The following SBF2 variants were observed in gnomAD, a reference collection of about 807,000 sequenced individuals.
The protein encoded by SBF2 is SET binding factor 2.
Under a neutral mutation model 225.2 loss-of-function variants are expected in SBF2, and 112 were observed. The ratio of observed to expected loss-of-function variants is 0.50; its 90% CI spans 0.43 to 0.58. The LOEUF (loss-of-function observed/expected upper bound fraction) is 0.58, where lower values mean the gene tolerates loss of function less well. SBF2 is among the 20% of genes least tolerant of loss of function. SBF2 has a pLI of 0.00. For missense variants in SBF2, 1,996 were observed against 2,206.2 expected (o/e 0.90, Z 1.91); for synonymous variants, 763 against 773.3 (o/e 0.99, Z 0.22).
chr11:10,294,279 G>T (rs961612796), upstream of SBF2: 1 of 373,172 alleles, frequency 2.7e-6, no homozygotes, highest in Non-Finnish European at 4.7e-6. Flanking sequence ...TGGCTCGGCT[G>T]CCCCAAGCCC....
intron 1 of SBF2, among the ~76,000 whole-genome samples, chr11:10,231,295 C>A (rs916216835): frequency 6.6e-6 from 1 of 151,994 alleles, no homozygotes; most frequent in Admixed American, 6.6e-5. Flanking sequence ...TCTTCTGAAG[C>A]CTTCTCTCAA....
At chr11:10,122,044 T>C (rs1953480035) in intron 2 of SBF2, among the ~76,000 whole-genome samples, 1 of 152,142 alleles carries the variant, frequency 6.6e-6, no homozygotes, top group Admixed American at 6.6e-5. Context: ...GCAATTCAGA[T>C]ATGCCAAAGA....
chr11:9,913,972 G>A (rs1590421837), intron 16 of SBF2, among the ~76,000 whole-genome samples: 4 of 152,246 alleles, frequency 2.6e-5, no homozygotes, highest in Middle Eastern at 6.8e-3. Context: ...AAAGTGCTGC[G>A]ATTACAGGCA....
chr11:10,036,432 T>C (rs1949442619), intron 3 of SBF2, among the ~76,000 whole-genome samples: 1 of 152,156 alleles, frequency 6.6e-6, no homozygotes, highest in Admixed American at 6.5e-5. Flanking sequence ...AAAAGTATAC[T>C]TTATTCAGAA....
intron 9 of SBF2, among the ~76,000 whole-genome samples, chr11:9,997,055 TCTC>T (rs1947734776): frequency 6.6e-6 from 1 of 152,182 alleles, no homozygotes; most frequent in Non-Finnish European, 1.5e-5. Context: ...AAGTCAGTCT[TCTC>T]TAACTGTTCC....
Position 9,822,379 on chromosome 11 carries a change from G to A in SBF2, c.3794-5355C>T, listed in dbSNP as rs1854810195. ...GGGTTCAAGCCATTCTCCTGCCTCA[G>A]CCTCCCGCATAGCTGGGACTACAGG... is the stretch of plus-strand genomic sequence containing the variant. On this transcript the variant is annotated intron_variant, in intron 28 of 39. Transcript: ENST00000256190. 2.0e-5 allele frequency among the ~76,000 whole-genome samples: 3 copies of A among 150,888 alleles called. No homozygotes were observed. The Admixed American group carries it at 2.0e-4, about 10-fold the overall frequency.
At chr11:9,782,752 TC>T (rs933801072) in intron 38 of SBF2, among the ~76,000 whole-genome samples, 3 of 151,604 alleles carry the variant, frequency 2.0e-5, no homozygotes, top group African/African-American at 7.3e-5. Flanking sequence ...GCGCCTGTAA[TC>T]CCAGCTACTC....
intron 2 of SBF2, among the ~76,000 whole-genome samples, chr11:10,157,073 C>A (rs751087626): frequency 6.6e-6 from 1 of 152,044 alleles, no homozygotes; most frequent in African/African-American, 2.4e-5. Flanking sequence ...ATCAGACACA[C>A]GGATCAATGG....
intron 1 of SBF2, among the ~76,000 whole-genome samples, chr11:10,222,818 C>T (rs1461085099): frequency 5.3e-5 from 8 of 152,206 alleles, no homozygotes; most frequent in Admixed American, 3.9e-4. Flanking sequence ...TGACCCTGAG[C>T]AGCAGGATAT....
At chr11:9,803,980 G>T (rs1368876082) in intron 32 of SBF2, among the ~76,000 whole-genome samples, 1 of 152,154 alleles carries the variant, frequency 6.6e-6, no homozygotes, top group Non-Finnish European at 1.5e-5. Flanking sequence ...GGGCACAGAG[G>T]CCCAAGTATT....
chr11:10,010,778 G>A (rs1948419260), intron 6 of SBF2, among the ~76,000 whole-genome samples: 1 of 152,172 alleles, frequency 6.6e-6, no homozygotes, highest in African/African-American at 2.4e-5. Context: ...TCTGAAAAAA[G>A]TCAATGGTAG....
chr11:10,078,995 C>T (rs1951246911), intron 2 of SBF2, among the ~76,000 whole-genome samples: 1 of 151,872 alleles, frequency 6.6e-6, no homozygotes, highest in Non-Finnish European at 1.5e-5. Context: ...CAAATGCACC[C>T]ATAAGCAAAG....
chr11:9,816,536 T>A (rs1232224532), intron 29 of SBF2, among the ~76,000 whole-genome samples: 1 of 152,224 alleles, frequency 6.6e-6, no homozygotes, highest in Non-Finnish European at 1.5e-5. Flanking sequence ...CACAGCCTGA[T>A]GAAGCCTTAT....
intron 2 of SBF2, among the ~76,000 whole-genome samples, chr11:10,162,127 TG>T (rs2049276118): frequency 6.6e-6 from 1 of 151,522 alleles, no homozygotes; most frequent in South Asian, 2.1e-4. Flanking sequence ...GGACAGAGCA[TG>T]AGTCTTTGAC....
intron 2 of SBF2, among the ~76,000 whole-genome samples, chr11:10,101,659 CTGTGTGTGTG>C (rs144213559): frequency 7.1e-4 from 105 of 148,134 alleles, no homozygotes; most frequent in African/African-American, 2.3e-3. Flanking sequence ...CTCTCTCGCT[CTGTGTGTGTG>C]TGTGTGTGTG....
At chr11:10,210,435 A>G (rs1393324235) in intron 1 of SBF2, among the ~76,000 whole-genome samples, 2 of 152,154 alleles carry the variant, frequency 1.3e-5, no homozygotes, top group African/African-American at 2.4e-5. Context: ...TGGAAGAACA[A>G]TTTCACTTAC....
intron 2 of SBF2, among the ~76,000 whole-genome samples, chr11:10,101,070 G>A (rs1461003882): frequency 1.3e-5 from 2 of 152,174 alleles, no homozygotes; most frequent in Non-Finnish European, 2.9e-5. Flanking sequence ...TTGTTTATGT[G>A]AAGGGAATCT....
chr11:10,191,783 T>C (rs1197837059), intron 2 of SBF2, among the ~76,000 whole-genome samples: 1 of 152,216 alleles, frequency 6.6e-6, no homozygotes, highest in African/African-American at 2.4e-5. Context: ...ATCTATTTAC[T>C]AAGTAGTAAA....
chr11:10,270,309 A>T (rs562926802), intron 1 of SBF2, among the ~76,000 whole-genome samples: 27 of 152,332 alleles, frequency 1.8e-4, no homozygotes, highest in African/African-American at 6.3e-4. Context: ...CCTTACAGAT[A>T]ACATAAATGG....
Sources: gnomAD v4.1 joint callset for allele counts (sites outside exome capture counted in the v4.1 genomes callset) on GRCh38, gnomAD v4.1.1 for gene constraint, MANE v1.5 for transcripts, NCBI Gene and HGNC (gene_info 2026-07-23, HGNC 2026-07-21) for gene names.